The following PDE1A variants were observed in gnomAD, a reference collection of about 807,000 sequenced individuals.
PDE1A encodes the protein dual specificity calcium/calmodulin-dependent 3',5'-cyclic nucleotide phosphodiesterase 1A.
In PDE1A, 35 loss-of-function variants were observed where a neutral mutation model predicts 61.7. The observed-to-expected ratio is 0.57, with a 90% CI of 0.43 to 0.75. PDE1A has a LOEUF of 0.75. Among genes scored for constraint, PDE1A ranks in the 30% least tolerant of loss-of-function variants. PDE1A has a pLI of 0.00. For synonymous variants in PDE1A, 232 were observed against 213.2 expected, an observed-to-expected ratio of 1.09 and a Z score of -0.77; for missense variants, 597 against 630.6, an observed-to-expected ratio of 0.95 and a Z score of 0.57.
chr2:182,140,921 G>A (rs1574479965), exon 15 of PDE1A: 1 of 150,564 alleles, frequency 6.6e-6, no homozygotes, highest in Middle Eastern at 3.5e-3. Flanking sequence ...GCAGTAGCAT[G>A]ACAATACTTC....
At chr2:182,557,168 C>T in the PDE1A span, among the ~76,000 whole-genome samples, 1 of 152,100 alleles carries the variant, frequency 6.6e-6, no homozygotes, top group African/African-American at 2.4e-5. Context: ...ATCACTTGAT[C>T]CCAAGTGGTG....
chr2:182,634,231 T>A, the PDE1A span, among the ~76,000 whole-genome samples: 1 of 152,218 alleles, frequency 6.6e-6, no homozygotes, highest in African/African-American at 2.4e-5. Context: ...GAATTTAAAA[T>A]GTACAAATGT....
the PDE1A span, among the ~76,000 whole-genome samples, chr2:182,671,387 G>A: frequency 4.2e-3 from 530 of 126,618 alleles, 4 homozygotes; most frequent in African/African-American, 0.015. Flanking sequence ...ACGGGGTTTC[G>A]CCGCATTAGC....
At chr2:182,699,881 G>T in the PDE1A span, among the ~76,000 whole-genome samples, 1 of 152,162 alleles carries the variant, frequency 6.6e-6, no homozygotes, top group Non-Finnish European at 1.5e-5. Flanking sequence ...CAACCAATTT[G>T]TCCAGAGTTA....
intron 1 of PDE1A, among the ~76,000 whole-genome samples, chr2:182,349,220 C>A (rs1220686231): frequency 6.6e-6 from 1 of 152,114 alleles, no homozygotes; most frequent in East Asian, 1.9e-4. Flanking sequence ...AAAAGGGAAG[C>A]CTCTGTGGGT....
rs199669393 is a variant in PDE1A, at chr2:182,462,657, GA to G, written c.101+59618del. On this transcript the variant is annotated intron_variant, in intron 2 of 14. Coordinates refer to the PDE1A transcript ENST00000410103. ...CTTCCACCTTAAGAGAAGGATAAGGGAAAAAAAAGGGTGTAAGCAGGGAGCC... is the reference window on the plus strand; with the variant it reads ...CTTCCACCTTAAGAGAAGGATAAGGGAAAAAAAGGGTGTAAGCAGGGAGCC... Among the ~76,000 whole-genome samples, 39 of 151,290 alleles carry G rather than the reference GA, an allele frequency of 2.6e-4. 1 individual carries two copies. Among genetic ancestry groups the G allele is most frequent in the Admixed American group, 6.6e-5 (1 of 15,184 alleles).
chr2:182,567,322 T>G, the PDE1A span, among the ~76,000 whole-genome samples: 1 of 152,210 alleles, frequency 6.6e-6, no homozygotes, highest in Non-Finnish European at 1.5e-5. Context: ...GGTGACCTAC[T>G]GCTCTAAGGT....
At chr2:182,668,272 C>G in the PDE1A span, among the ~76,000 whole-genome samples, 17 of 152,168 alleles carry the variant, frequency 1.1e-4, no homozygotes, top group South Asian at 2.5e-3. Context: ...AACTAGAGAT[C>G]TGCAGTCAAG....
intron 2 of PDE1A, among the ~76,000 whole-genome samples, chr2:182,455,507 C>G (rs1309540418): frequency 1.3e-5 from 2 of 152,054 alleles, no homozygotes; most frequent in African/African-American, 4.8e-5. Flanking sequence ...GGAACCAACC[C>G]AAATGTCCAA....
intron 1 of PDE1A, among the ~76,000 whole-genome samples, chr2:182,370,547 G>A (rs921054353): frequency 6.6e-6 from 1 of 152,206 alleles, no homozygotes; most frequent in Non-Finnish European, 1.5e-5. Flanking sequence ...CAGCTCAGAG[G>A]GGGCAGATGA....
chr2:182,438,036 T>C lies in PDE1A; in HGVS notation c.101+84240A>G, dbSNP rs564764090. On this transcript the variant is annotated intron_variant, in intron 2 of 14. Coordinates refer to the PDE1A transcript ENST00000410103. ...GAGTTATTTGTTATAAATAGAATCA[T>C]AGACTTCTGGAATCTGAAGGGATTT... Among the ~76,000 whole-genome samples the C allele has an allele frequency of 6.6e-5, 10 of 151,956 alleles. No individual in the cohort carries two copies. The South Asian group carries it at 2.1e-3, about 31-fold the overall frequency.
chr2:182,614,774 C>G, the PDE1A span, among the ~76,000 whole-genome samples: 1 of 152,124 alleles, frequency 6.6e-6, no homozygotes, highest in Non-Finnish European at 1.5e-5. Context: ...CCAGGCTGGT[C>G]TTGAACTCCT....
intron 1 of PDE1A, among the ~76,000 whole-genome samples, chr2:182,354,496 A>G (rs939839014): frequency 9.9e-5 from 15 of 152,198 alleles, no homozygotes; most frequent in East Asian, 1.9e-4. Context: ...ATGCAAGTCA[A>G]TCATTAAAAG....
chr2:182,585,936 T>C, the PDE1A span, among the ~76,000 whole-genome samples: 432 of 152,276 alleles, frequency 2.8e-3, no homozygotes, highest in African/African-American at 9.8e-3. Context: ...ATTTCATATA[T>C]ACATGTAGAA....
chr2:182,434,197 T>C (rs1281116763), intron 2 of PDE1A, among the ~76,000 whole-genome samples: 2 of 152,118 alleles, frequency 1.3e-5, no homozygotes, highest in Admixed American at 6.6e-5. Flanking sequence ...TTTTTTCTCA[T>C]ATATGTGACT....
chr2:182,265,372 A>C (rs74804112), intron 1 of PDE1A, among the ~76,000 whole-genome samples: 3,800 of 152,294 alleles, frequency 0.025, 163 homozygotes, highest in African/African-American at 0.087. Context: ...TAAAGCAATA[A>C]AGACAGACGA....
At chr2:182,351,317 T>C (rs1698863511) in intron 1 of PDE1A, among the ~76,000 whole-genome samples, 1 of 152,230 alleles carries the variant, frequency 6.6e-6, no homozygotes, top group Non-Finnish European at 1.5e-5. Flanking sequence ...TTACACCTTC[T>C]GGTACATTAA....
At chr2:182,684,123 C>CA in the PDE1A span, among the ~76,000 whole-genome samples, 1,252 of 51,796 alleles carry the variant, frequency 0.024, 15 homozygotes, top group African/African-American at 0.043. Flanking sequence ...AACTCCATCT[C>CA]AAAAAAAAAA....
intron 1 of PDE1A, among the ~76,000 whole-genome samples, chr2:182,364,476 A>AC (rs1699709323): frequency 7.6e-6 from 1 of 131,684 alleles, no homozygotes; most frequent in Non-Finnish European, 1.6e-5. Flanking sequence ...TAAAAAAAAA[A>AC]AAAAAAAAAA....
Sources: allele counts gnomAD v4.1 joint callset (sites outside exome capture counted in the v4.1 genomes callset), GRCh38; gene constraint gnomAD v4.1.1; transcripts MANE v1.5; gene names NCBI Gene and HGNC (gene_info 2026-07-23, HGNC 2026-07-21).